The following GNL3L variants were observed in gnomAD, a reference collection of about 807,000 sequenced individuals.
GNL3L encodes the protein G protein nucleolar 3 like, also known as guanine nucleotide-binding protein-like 3-like protein.
A neutral mutation model predicts 42.9 loss-of-function variants in GNL3L; 4 were observed. The ratio of observed to expected loss-of-function variants is 0.09; its 90% CI spans 0.05 to 0.21. The LOEUF (loss-of-function observed/expected upper bound fraction) is 0.21, where lower values mean the gene tolerates loss of function less well. Among genes scored for constraint, GNL3L ranks in the 10% least tolerant of loss-of-function variants. GNL3L has a pLI of 1.00. For synonymous variants in GNL3L, 159 were observed against 176.3 expected (o/e 0.90, Z 0.78); for missense variants, 412 against 481.7 (o/e 0.86, Z 1.36).
intron 8 of GNL3L, among the ~76,000 whole-genome samples, chrX:54,546,676 C>T (rs920889451): frequency 8.9e-6 from 1 of 111,844 alleles, no homozygotes; most frequent in Non-Finnish European, 1.9e-5. Flanking sequence ...GATGGAGTTT[C>T]ACTCTTGTTG....
At chrX:54,583,896 G>A (rs948954746) in intron 16 of GNL3L, among the ~76,000 whole-genome samples, 2 of 110,404 alleles carry the variant, frequency 1.8e-5, no homozygotes, top group Non-Finnish European at 1.9e-5. Context: ...GCCTGCCTCA[G>A]TCTCCCAAAG....
At chrX:54,620,136 T>A (rs1013608273) in intron 16 of GNL3L, among the ~76,000 whole-genome samples, 1 of 111,614 alleles carries the variant, frequency 9.0e-6, no homozygotes, top group Non-Finnish European at 1.9e-5. Context: ...AATACAATTA[T>A]ACTCTTTCGG....
intron 16 of GNL3L, among the ~76,000 whole-genome samples, chrX:54,593,924 T>A (rs1925899410): frequency 9.0e-6 from 1 of 111,697 alleles, no homozygotes; most frequent in Admixed American, 9.6e-5. Flanking sequence ...TTCCCCTTTT[T>A]ATTGATTTCT....
chrX:54,644,874 T>A, the GNL3L span, among the ~76,000 whole-genome samples: 1 of 112,148 alleles, frequency 8.9e-6, no homozygotes, highest in Non-Finnish European at 1.9e-5. Context: ...TTGTCTTTTA[T>A]AATATCGAAT....
At chrX:54,623,146 A>G (rs753969654), downstream of GNL3L, among the ~76,000 whole-genome samples, 2 of 112,448 alleles carry the variant, frequency 1.8e-5, no homozygotes, top group South Asian at 7.4e-4. Flanking sequence ...ATCAGGAAGT[A>G]TGAGTCCTCC....
At chrX:54,545,294 C>T (rs1486928521) in intron 8 of GNL3L, among the ~76,000 whole-genome samples, 1 of 111,673 alleles carries the variant, frequency 9.0e-6, no homozygotes, top group Non-Finnish European at 1.9e-5. Context: ...TCTCGGCTCA[C>T]TGCAATCTCT....
chrX:54,610,194 T>G (rs1313542520), intron 16 of GNL3L, among the ~76,000 whole-genome samples: 1 of 111,935 alleles, frequency 8.9e-6, no homozygotes, highest in Non-Finnish European at 1.9e-5. Flanking sequence ...TTGTGTACAT[T>G]AATTTGTATC....
chrX:54,623,921 AT>A (rs113624737), downstream of GNL3L, among the ~76,000 whole-genome samples: 79 of 97,732 alleles, frequency 8.1e-4, no homozygotes, highest in Admixed American at 7.7e-4. Context: ...ATTCTTTGGG[AT>A]TTTTTTTTTT....
chrX:54,582,720 T>G (rs781296989), intron 16 of GNL3L, among the ~76,000 whole-genome samples: 12 of 111,948 alleles, frequency 1.1e-4, no homozygotes, highest in Non-Finnish European at 2.3e-4. Flanking sequence ...GTAGCTGGGA[T>G]TAGAGGTGCG....
chrX:54,547,521 A>G (rs1254416983), intron 8 of GNL3L, among the ~76,000 whole-genome samples: 3 of 110,395 alleles, frequency 2.7e-5, no homozygotes, highest in African/African-American at 9.9e-5. Flanking sequence ...CCTGACCAAC[A>G]TGGCGAAACT....
At chrX:54,557,181 C>CA (rs1016216250) in intron 14 of GNL3L, among the ~76,000 whole-genome samples, 284 of 99,987 alleles carry the variant, frequency 2.8e-3, no homozygotes, top group African/African-American at 8.4e-3. Flanking sequence ...AACTCCATCT[C>CA]AAAAAAAAAA....
intron 6 of GNL3L, 33 bp downstream of exon 6, chrX:54,543,071 G>C (rs1364777968): frequency 2.8e-6 from 3 of 1,083,177 alleles, no homozygotes; most frequent in Non-Finnish European, 3.8e-6. Context: ...GCTTTTGCGG[G>C]AGGGTTCCAG....
rs188604584 is a variant in GNL3L at position 54,552,992 on chromosome X, C to T, written c.1318+564C>T. ...CTGGATTCAAATCCGAGCTTTGTTTCCTTTTTACTGTGTGATGCTAAACAA... is the reference window on the plus strand; with the variant it reads ...CTGGATTCAAATCCGAGCTTTGTTTTCTTTTTACTGTGTGATGCTAAACAA... On this transcript the variant is annotated intron_variant, in intron 13 of 15. Coordinates refer to ENST00000360845, the MANE Select transcript of GNL3L (RefSeq NM_001184819.2). Among the ~76,000 whole-genome samples the T allele has an allele frequency of 4.2e-4, 47 of 111,986 alleles. 1 individual carries two copies. In the East Asian group the frequency reaches 0.012, roughly 29 times the overall value.
chrX:54,610,288 G>A (rs768829318), intron 16 of GNL3L, among the ~76,000 whole-genome samples: 5 of 111,074 alleles, frequency 4.5e-5, no homozygotes, highest in South Asian at 3.8e-4. Flanking sequence ...CGATCATATC[G>A]TCAGCAAACA....
chrX:54,552,089 G>A, intron 12 of GNL3L, 115 bp downstream of exon 12: 2 of 907,439 alleles, frequency 2.2e-6, no homozygotes, highest in Non-Finnish European at 3.1e-6. Flanking sequence ...TTGGGGCAGA[G>A]GATGGCCAAG....
intron 16 of GNL3L, among the ~76,000 whole-genome samples, chrX:54,588,800 TAAAA>T (rs1925826013): frequency 9.0e-6 from 1 of 111,337 alleles, no homozygotes; most frequent in South Asian, 3.7e-4. Flanking sequence ...TCAAAAAAAA[TAAAA>T]AATAAAAAAA....
chrX:54,586,937 C>T (rs184729830), intron 16 of GNL3L, among the ~76,000 whole-genome samples: 221 of 112,015 alleles, frequency 2.0e-3, no homozygotes, highest in African/African-American at 6.6e-3. Context: ...CACGACCCAC[C>T]TGTAGGTTTG....
Position 54,563,549 on chromosome X carries a change from C to T in GNL3L, c.*2947C>T, listed in dbSNP as rs988692160. On this transcript the variant is annotated 3_prime_UTR_variant, in exon 16 of 16. Coordinates refer to ENST00000360845, the MANE Select transcript of GNL3L (RefSeq NM_001184819.2). ...CTGTAATCCCAGCATTTTGGGAGGC[C>T]GAGGCAGGCGGATCACTTGAGGTCA... 5.4e-5 allele frequency among the ~76,000 whole-genome samples: 6 copies of T among 111,090 alleles called. No homozygotes were observed. Among genetic ancestry groups the T allele is most frequent in the Admixed American group, 2.9e-4 (3 of 10,374 alleles).
intron 8 of GNL3L, among the ~76,000 whole-genome samples, chrX:54,547,487 T>G (rs1189864423): frequency 9.0e-6 from 1 of 110,703 alleles, no homozygotes; most frequent in East Asian, 2.9e-4. Context: ...GGCAGATTGC[T>G]TGATGCCAGG....
Sources: allele counts gnomAD v4.1 joint callset (sites outside exome capture counted in the v4.1 genomes callset), GRCh38; gene constraint gnomAD v4.1.1; transcripts MANE v1.5; gene names NCBI Gene and HGNC (gene_info 2026-07-23, HGNC 2026-07-21).